The following MAP3K4 variants were observed in gnomAD, a reference collection of about 807,000 sequenced individuals.
MAP3K4 encodes the protein mitogen-activated protein kinase kinase kinase 4.
MAP3K4 carries 67 observed loss-of-function variants against 185.6 expected under a neutral mutation model. The ratio of observed to expected loss-of-function variants is 0.36; its 90% CI spans 0.30 to 0.44. The LOEUF is 0.44. Ranked by LOEUF, MAP3K4 falls within the 20% of genes least tolerant of loss-of-function variation. The pLI is 1.00. For missense variants in MAP3K4, 1,551 were observed against 1,995.1 expected (o/e 0.78, Z 4.24); for synonymous variants, 702 against 710.4 (o/e 0.99, Z 0.19).
At position 161,108,654 on chromosome 6, in the gene MAP3K4, A is replaced by G; in HGVS notation, c.4120-89A>G. The G allele has an allele frequency of 2.6e-6, 2 of 768,860 alleles. No individual in the cohort carries two copies. The highest frequency in any genetic ancestry group is 4.6e-6 in the Non-Finnish European group (2 of 434,862). 47.6% of individuals were successfully genotyped at this position (768,860 alleles called of 1,614,324 possible). ...TGACAAATCATGATTACATATATTT[A>G]TGGGGTGCAAAATGATGTTTCAGTG... On this transcript the variant is annotated intron_variant, in intron 21 of 26. Coordinates refer to ENST00000392142, the MANE Select transcript of MAP3K4 (RefSeq NM_005922.4). The surrounding 1 kb of genome is among the most constrained non-coding windows in gnomAD (Gnocchi z 5.7).
Position 161,076,484 on chromosome 6 carries a change from C to T in MAP3K4, c.2097+2872C>T, listed in dbSNP as rs1456043422. Among the ~76,000 whole-genome samples, 1 of 152,114 alleles carries T rather than the reference C, an allele frequency of 6.6e-6. No individual in the cohort carries two copies. Among genetic ancestry groups the T allele is most frequent in the Non-Finnish European group, 1.5e-5 (1 of 68,032 alleles). On this transcript the variant is annotated intron_variant, in intron 5 of 26. Coordinates refer to ENST00000392142, the MANE Select transcript of MAP3K4 (RefSeq NM_005922.4). This position sits in a 1 kb window ranked among gnomAD's most constrained non-coding sequence, Gnocchi z 4.2. ...AACTGAGACACTTAAGCATGTAGGT[C>T]AAAGGAAGTAACTTGGTGAGCATTT...
In MAP3K4 at chr6:161,107,179, T is replaced by G. The variant is rs1583243742; in HGVS notation, c.4048+474T>G. On this transcript the variant is annotated intron_variant, in intron 20 of 26. Coordinates refer to ENST00000392142, the MANE Select transcript of MAP3K4 (RefSeq NM_005922.4). The surrounding 1 kb of genome is among the most constrained non-coding windows in gnomAD (Gnocchi z 6.2). Reference sequence around the variant, plus strand: ...TAATTAATTTCCAGGTGGAATTGCTTCATGTAAAATAGTCGTAAATTATGT... The same window carrying G: ...TAATTAATTTCCAGGTGGAATTGCTGCATGTAAAATAGTCGTAAATTATGT... 6.6e-6 allele frequency among the ~76,000 whole-genome samples: 1 copy of G among 152,172 alleles called. No homozygotes were observed. Among genetic ancestry groups the G allele is most frequent in the East Asian group, 1.9e-4 (1 of 5,196 alleles).
In MAP3K4 at chr6:161,071,498, T is replaced by G. The variant is rs1349617406; in HGVS notation, c.1950+648T>G. On this transcript the variant is annotated intron_variant, in intron 4 of 26. Coordinates refer to ENST00000392142, the MANE Select transcript of MAP3K4 (RefSeq NM_005922.4). This position sits in a 1 kb window ranked among gnomAD's most constrained non-coding sequence, Gnocchi z 4.6. ...AAAGAAGAAAGGTTGGTATGTTTTT[T>G]GTAGACTGTACGTGTCTATCCCATA... 1.3e-5 allele frequency among the ~76,000 whole-genome samples: 2 copies of G among 152,210 alleles called. No individual in the cohort carries two copies. Among genetic ancestry groups the G allele is most frequent in the African/African-American group, 4.8e-5 (2 of 41,452 alleles).
At chr6:161,065,609 C>A (rs1024111753) in intron 3 of MAP3K4, among the ~76,000 whole-genome samples, 2 of 152,176 alleles carry the variant, frequency 1.3e-5, no homozygotes, top group African/African-American at 4.8e-5. Context: ...TGCTTGGGAC[C>A]AGAAGTGTTT....
At chr6:161,020,024 G>A (rs1192623178) in intron 1 of MAP3K4, among the ~76,000 whole-genome samples, 1 of 152,158 alleles carries the variant, frequency 6.6e-6, no homozygotes, top group Non-Finnish European at 1.5e-5. Flanking sequence ...TCCTATGTAT[G>A]TGGGTGGGTA....
chr6:161,011,317 T>C (rs753313716), intron 1 of MAP3K4, among the ~76,000 whole-genome samples: 1 of 152,026 alleles, frequency 6.6e-6, no homozygotes, highest in Non-Finnish European at 1.5e-5. Context: ...ATAAAATGAG[T>C]ATGGTGACTT....
At position 161,003,724 on chromosome 6, in the gene MAP3K4, T is replaced by C. The variant is rs904112495; in HGVS notation, c.152+11641T>C. The stretch of plus-strand genomic sequence containing the variant: ...AGTGGCTGTGGTTAACTTATTACTA[T>C]AATTTTCAAAAGTGAAAGATCCAAT... On this transcript the variant is annotated intron_variant, in intron 1 of 26. Coordinates refer to ENST00000392142, the MANE Select transcript of MAP3K4 (RefSeq NM_005922.4). Among the ~76,000 whole-genome samples the C allele has an allele frequency of 3.2e-4, 48 of 152,164 alleles. 1 individual carries two copies. The highest frequency in any genetic ancestry group is 1.0e-4 in the Non-Finnish European group (7 of 68,026).
At chr6:161,083,509 C>T (rs1785555061) in intron 6 of MAP3K4, among the ~76,000 whole-genome samples, 1 of 152,208 alleles carries the variant, frequency 6.6e-6, no homozygotes, top group Non-Finnish European at 1.5e-5. Flanking sequence ...TTATCAAACG[C>T]CAAACTAATG....
In MAP3K4 at chr6:161,088,939, C is replaced by G. The variant is rs183605673; in HGVS notation, c.2824-383C>G. On this transcript the variant is annotated intron_variant, in intron 10 of 26. Coordinates refer to ENST00000392142, the MANE Select transcript of MAP3K4 (RefSeq NM_005922.4). The surrounding 1 kb of genome is among the most constrained non-coding windows in gnomAD (Gnocchi z 4.5). ...GATTTCTTAATGTTTTATATAAGGC[C>G]CCTCATCTTATTTCTGTCTTATTCC... Among the ~76,000 whole-genome samples the G allele has an allele frequency of 3.9e-4, 60 of 151,908 alleles. No individual in the cohort carries two copies. In the East Asian group the frequency reaches 0.01, roughly 25 times the overall value.
intron 1 of MAP3K4, among the ~76,000 whole-genome samples, chr6:161,004,000 G>A (rs904728684): frequency 6.6e-6 from 1 of 151,906 alleles, no homozygotes; most frequent in Non-Finnish European, 1.5e-5. Flanking sequence ...AGAAAAAGAA[G>A]TTTAGATATA....
chr6:161,009,843 A>G lies in MAP3K4; in HGVS notation c.152+17760A>G, dbSNP rs370707654. 3.9e-5 allele frequency among the ~76,000 whole-genome samples: 6 copies of G among 152,234 alleles called. No individual in the cohort carries two copies. In the East Asian group the frequency reaches 7.7e-4, roughly 20 times the overall value. Reference sequence around the variant, plus strand: ...ACACATGGACACAGGGAGGGGAACAACACTTACTGGGGCCTGTCGGGGGAA... The same window carrying G: ...ACACATGGACACAGGGAGGGGAACAGCACTTACTGGGGCCTGTCGGGGGAA... On this transcript the variant is annotated intron_variant, in intron 1 of 26. Coordinates refer to ENST00000392142, the MANE Select transcript of MAP3K4 (RefSeq NM_005922.4).
Position 161,111,964 on chromosome 6 carries a change from G to C in MAP3K4, c.4519+6G>C. On this transcript the variant is annotated splice_donor_region_variant and intron_variant, in intron 24 of 26. Transcript: ENST00000392142. ...CAGCACCCTGGGGACAGCAGGTAGG[G>C]ACCAGCCTGGTTGTTCTTTGCACTC... 1 of 1,613,650 alleles carries C rather than the reference G, an allele frequency of 6.2e-7. No individual in the cohort carries two copies. Among genetic ancestry groups the C allele is most frequent in the Non-Finnish European group, 8.5e-7 (1 of 1,179,792 alleles).
intron 3 of MAP3K4, among the ~76,000 whole-genome samples, chr6:161,059,481 A>T (rs1190111456): frequency 1.3e-5 from 2 of 151,854 alleles, no homozygotes; most frequent in African/African-American, 4.8e-5. Context: ...CCTGTTTTTC[A>T]TGTTTATTGG....
Position 161,116,819 on chromosome 6 carries a change from A to G in MAP3K4, c.4807-31A>G. 4 of 1,612,952 alleles carry G rather than the reference A, an allele frequency of 2.5e-6. No individual in the cohort carries two copies. The highest frequency in any genetic ancestry group is 3.4e-6 in the Non-Finnish European group (4 of 1,179,042). ...TGCACAAGCACACACCTGGCTCTGCAAGAGCTCAGCTCTCTCCTGCTTCCT... is the reference window on the plus strand; with the variant it reads ...TGCACAAGCACACACCTGGCTCTGCGAGAGCTCAGCTCTCTCCTGCTTCCT... On this transcript the variant is annotated intron_variant, in intron 26 of 26. Transcript: ENST00000392142. This position sits in a 1 kb window ranked among gnomAD's most constrained non-coding sequence, Gnocchi z 6.2.
chr6:161,025,004 C>T (rs1366426237), intron 1 of MAP3K4, among the ~76,000 whole-genome samples: 1 of 151,734 alleles, frequency 6.6e-6, no homozygotes, highest in East Asian at 1.9e-4. Context: ...CCCAGCCATC[C>T]ATCCATCCAT....
At position 161,112,819 on chromosome 6, in the gene MAP3K4, C is replaced by G; in HGVS notation, c.4626+45C>G. On this transcript the variant is annotated intron_variant, in intron 25 of 26. Coordinates refer to ENST00000392142, the MANE Select transcript of MAP3K4 (RefSeq NM_005922.4). The surrounding 1 kb of genome is among the most constrained non-coding windows in gnomAD (Gnocchi z 5.1). ...CTGGCGGAGCAACTTCAGAAGGGCA[C>G]TGTGCATTAACAGAACAGTAGTTAT... 1 of 1,337,744 alleles carries G rather than the reference C, an allele frequency of 7.5e-7. No individual in the cohort carries two copies. The highest frequency in any genetic ancestry group is 1.0e-6 in the Non-Finnish European group (1 of 977,132). The allele number at this position is 1,337,744 out of a possible 1,614,324, so 82.9% of individuals were successfully genotyped here.
Position 161,101,901 on chromosome 6 carries a change from C to T in MAP3K4, c.3684C>T (p.Ser1228=), listed in dbSNP as rs759533729. 7.4e-6 allele frequency: 12 copies of T among 1,612,912 alleles called. No individual in the cohort carries two copies. The East Asian group carries it at 1.8e-4, about 24-fold the overall frequency. ...ISSAHDTRGS[S]VPENDRLASI... ...AAAAATATTAAAACAGGGGTTCCAG[C>T]GTTCCTGAAAATGATCGATTGGCTT... The change falls in exon 18 of 27, where the codon AGC becomes AGT. Residue 1228 remains serine, a synonymous_variant. Transcript: ENST00000392142. This position sits in a 1 kb window ranked among gnomAD's most constrained non-coding sequence, Gnocchi z 5.1.
In MAP3K4 at chr6:161,088,249, T is replaced by C. The variant is rs904316772; in HGVS notation, c.2823+295T>C. On this transcript the variant is annotated intron_variant, in intron 10 of 26. Coordinates refer to ENST00000392142, the MANE Select transcript of MAP3K4 (RefSeq NM_005922.4). The surrounding 1 kb of genome is among the most constrained non-coding windows in gnomAD (Gnocchi z 4.5). ...TGGAGCTATGATCTAAAAGGAGTTA[T>C]GTCACTAATATAATTTGTAGTTCTA... is the stretch of plus-strand genomic sequence containing the variant. Among the ~76,000 whole-genome samples the C allele has an allele frequency of 2.6e-5, 4 of 152,222 alleles. No homozygotes were observed. The highest frequency in any genetic ancestry group is 1.3e-4 in the Admixed American group (2 of 15,284).
intron 7 of MAP3K4, among the ~76,000 whole-genome samples, chr6:161,085,715 T>A (rs1785677465): frequency 6.6e-6 from 1 of 152,196 alleles, no homozygotes; most frequent in Non-Finnish European, 1.5e-5. Context: ...CTCACAGTTT[T>A]GAGAGCTAAC....
Sources: gnomAD v4.1 joint callset for allele counts (sites outside exome capture counted in the v4.1 genomes callset) on GRCh38, gnomAD v4.1.1 for gene constraint, Gnocchi (gnomAD v3.1) non-coding constraint, MANE v1.5 for transcripts, NCBI Gene and HGNC (gene_info 2026-07-23, HGNC 2026-07-21) for gene names.